SH2D4A: variants seen among roughly 807,000 people sequenced by gnomAD.
SH2D4A encodes the protein SH2 domain containing 4A, also known as SH2 domain-containing protein 4A.
SH2D4A carries 70 observed loss-of-function variants against 64.7 expected under a neutral mutation model. That is an observed-to-expected ratio of 1.08 (90% CI 0.89 to 1.32). The LOEUF (loss-of-function observed/expected upper bound fraction) is 1.32. Among genes scored for constraint, SH2D4A ranks in the 40% most tolerant of loss-of-function variants. SH2D4A has a pLI of 0.00. For missense variants in SH2D4A, 706 were observed against 540.1 expected (o/e 1.31, Z -3.04); for synonymous variants, 268 against 200.7 (o/e 1.34, Z -2.83).
At chr8:19,350,737 C>T (rs913328665) in intron 4 of SH2D4A, among the ~76,000 whole-genome samples, 3 of 152,148 alleles carry the variant, frequency 2.0e-5, no homozygotes, top group African/African-American at 7.2e-5. Flanking sequence ...TCTGACTGGG[C>T]CTCCCAAAGT....
At chr8:19,376,864 C>G (rs1302262221) in intron 8 of SH2D4A, among the ~76,000 whole-genome samples, 1 of 152,010 alleles carries the variant, frequency 6.6e-6, no homozygotes, top group African/African-American at 2.4e-5. Flanking sequence ...TGTAATCAGG[C>G]AAAATCATCT....
chr8:19,394,432 T>A (rs939026769), intron 9 of SH2D4A, 118 bp from the exon 10 acceptor site: 21 of 666,180 alleles, frequency 3.2e-5, no homozygotes, highest in Middle Eastern at 5.4e-4. Flanking sequence ...AAGATGATCA[T>A]AAACCACAAA....
Position 19,337,643 on chromosome 8 carries a change from A to G in SH2D4A, c.513+2786A>G, listed in dbSNP as rs191134047. Among the ~76,000 whole-genome samples the G allele has an allele frequency of 1.4e-3, 211 of 152,332 alleles. 2 individuals are homozygous for G. Among genetic ancestry groups the G allele is most frequent in the African/African-American group, 4.7e-3 (194 of 41,580 alleles). On this transcript the variant is annotated intron_variant, in intron 4 of 9. Coordinates refer to ENST00000265807, the MANE Select transcript of SH2D4A (RefSeq NM_022071.4). ...AGAGGTTTAATGGACTTACAGTTCC[A>G]TGTAGCTGGGGAGGCCTCACAATCA...
intron 7 of SH2D4A, among the ~76,000 whole-genome samples, chr8:19,371,776 T>G (rs1048049994): frequency 6.6e-6 from 1 of 152,206 alleles, no homozygotes; most frequent in African/African-American, 2.4e-5. Flanking sequence ...TCTCTGTGTA[T>G]TTTCAAATAG....
intron 4 of SH2D4A, among the ~76,000 whole-genome samples, chr8:19,351,709 T>C (rs1303863639): frequency 6.6e-6 from 1 of 152,146 alleles, no homozygotes; most frequent in South Asian, 2.1e-4. Context: ...GTCCTGACAA[T>C]GTTCTGTTTG....
intron 4 of SH2D4A, among the ~76,000 whole-genome samples, chr8:19,339,495 C>CTTTTTTTTTTTTTT (rs5889867): frequency 3.1e-5 from 4 of 129,026 alleles, no homozygotes; most frequent in African/African-American, 5.9e-5. Flanking sequence ...TATAAACTTT[C>CTTTTTTTTTTTTTT]TTTTTTTTTT....
chr8:19,386,817 T>G (rs2053401534), intron 8 of SH2D4A, among the ~76,000 whole-genome samples: 1 of 152,228 alleles, frequency 6.6e-6, no homozygotes, highest in Non-Finnish European at 1.5e-5. Context: ...TGTTGCTCTG[T>G]CACTCAGGTT....
chr8:19,344,521 C>T (rs1023009295), intron 4 of SH2D4A, among the ~76,000 whole-genome samples: 3 of 152,110 alleles, frequency 2.0e-5, no homozygotes, highest in Non-Finnish European at 2.9e-5. Flanking sequence ...TCTTTGCTTT[C>T]GAAGAGCGCC....
At chr8:19,363,983 C>A (rs775473035) in intron 6 of SH2D4A, 89 bp from the exon 7 acceptor site, 2 of 1,223,944 alleles carry the variant, frequency 1.6e-6, no homozygotes, top group African/African-American at 1.5e-5. Flanking sequence ...TGAGAACCTG[C>A]GCTGCTGCCC....
intron 5 of SH2D4A, 114 bp downstream of exon 5, chr8:19,357,397 A>G (rs2052810216): frequency 1.2e-6 from 1 of 808,866 alleles, no homozygotes. Flanking sequence ...GCAGGATGGG[A>G]AATCTGTCCT....
intron 4 of SH2D4A, among the ~76,000 whole-genome samples, chr8:19,345,097 TGA>T (rs2052591451): frequency 6.6e-6 from 1 of 152,240 alleles, no homozygotes; most frequent in African/African-American, 2.4e-5. Flanking sequence ...ATCTATAAAA[TGA>T]GAGACTTTTA....
rs965634453 is a variant in SH2D4A, at chr8:19,351,644, A to G, written c.514-5559A>G. ...AAAAACAAAAACAAAAACAAAAATA[A>G]ACTCTTGATTTTATGCTATTAATTC... On this transcript the variant is annotated intron_variant, in intron 4 of 9. Transcript: ENST00000265807. Among the ~76,000 whole-genome samples, 64 of 152,028 alleles carry G rather than the reference A, an allele frequency of 4.2e-4. 1 individual carries two copies. The highest frequency in any genetic ancestry group is 3.3e-3 in the Admixed American group (50 of 15,256).
chr8:19,377,755 A>G (rs1385655176), intron 8 of SH2D4A, among the ~76,000 whole-genome samples: 5 of 152,190 alleles, frequency 3.3e-5, no homozygotes, highest in African/African-American at 4.8e-5. Flanking sequence ...TTTTGCTCTT[A>G]CAGAAGATGA....
intron 1 of SH2D4A, among the ~76,000 whole-genome samples, chr8:19,315,514 G>A (rs1354889723): frequency 1.3e-5 from 2 of 152,222 alleles, no homozygotes; most frequent in East Asian, 1.9e-4. Flanking sequence ...TCAAAAGACA[G>A]TTGTATTGTA....
At chr8:19,366,911 G>T (rs1244879310) in intron 7 of SH2D4A, among the ~76,000 whole-genome samples, 1 of 152,144 alleles carries the variant, frequency 6.6e-6, no homozygotes, top group Non-Finnish European at 1.5e-5. Context: ...CCATTTTGTT[G>T]CAAATGACAG....
chr8:19,382,820 A>ATTTTTTTTTT (rs2053318237), intron 8 of SH2D4A, among the ~76,000 whole-genome samples: 3 of 85,906 alleles, frequency 3.5e-5, no homozygotes, highest in Non-Finnish European at 4.9e-5. Context: ...TGCTTTTAAG[A>ATTTTTTTTTT]TTCTTTTTTT....
intron 8 of SH2D4A, among the ~76,000 whole-genome samples, chr8:19,390,109 C>CCTATCATCCCA (rs756855661): frequency 6.6e-6 from 1 of 152,124 alleles, no homozygotes; most frequent in South Asian, 2.1e-4. Context: ...GTGGCTCACG[C>CCTATCATCCCA]CTATCATCCC....
In SH2D4A at chr8:19,351,659, G is replaced by A. The variant is rs1158325095; in HGVS notation, c.514-5544G>A. 2.6e-5 allele frequency among the ~76,000 whole-genome samples: 4 copies of A among 151,996 alleles called. No homozygotes were observed. The South Asian group carries it at 6.2e-4, about 24-fold the overall frequency. ...AACAAAAATAAACTCTTGATTTTAT[G>A]CTATTAATTCTTCATTTTCATCTTT... On this transcript the variant is annotated intron_variant, in intron 4 of 9. Transcript: ENST00000265807.
rs113431596 is a variant in SH2D4A, at chr8:19,361,442, C to G, written c.706+128C>G. On this transcript the variant is annotated intron_variant, in intron 6 of 9. Transcript: ENST00000265807. ...GATATGTTCACAGTAAGTTACCACT[C>G]AAATGTTATTACTAACTTATTACTC... is the stretch of plus-strand genomic sequence containing the variant. The G allele has an allele frequency of 4.7e-4, 419 of 897,642 alleles. 5 individuals carry two copies. In the African/African-American group the frequency reaches 6.4e-3, roughly 14 times the overall value. The allele number at this position is 897,642 out of a possible 1,614,324, so 55.6% of individuals were successfully genotyped here.
Sources: allele counts gnomAD v4.1 joint callset (sites outside exome capture counted in the v4.1 genomes callset), GRCh38; gene constraint gnomAD v4.1.1; transcripts MANE v1.5; gene names NCBI Gene and HGNC (gene_info 2026-07-23, HGNC 2026-07-21).